The following ADARB2 variants were observed in gnomAD, a reference collection of about 807,000 sequenced individuals.
ADARB2 encodes adenosine deaminase RNA specific B2 (inactive).
In ADARB2, 25 loss-of-function variants were observed where a neutral mutation model predicts 62.2. That is an observed-to-expected ratio of 0.40 (90% CI 0.29 to 0.56). The LOEUF (loss-of-function observed/expected upper bound fraction) is 0.56, where lower values mean the gene tolerates loss of function less well. ADARB2 is among the 20% of genes least tolerant of loss of function. ADARB2 has a pLI of 0.43. For synonymous variants in ADARB2, 572 were observed against 500.8 expected (o/e 1.14, Z -1.90); for missense variants, 1,071 against 1,077.4 (o/e 0.99, Z 0.08).
At chr10:1,351,450 A>G (rs183438473) in intron 3 of ADARB2, among the ~76,000 whole-genome samples, 2,534 of 151,688 alleles carry the variant, frequency 0.017, 34 homozygotes, top group Non-Finnish European at 0.023. Flanking sequence ...CAACTTAGAC[A>G]ATACTCTTTT....
chr10:1,710,824 A>C (rs1450175494), intron 1 of ADARB2, among the ~76,000 whole-genome samples: 2 of 150,866 alleles, frequency 1.3e-5, no homozygotes, highest in Non-Finnish European at 3.0e-5. Context: ...CTTCACCTTC[A>C]CTCCTTGTCT....
At chr10:1,568,106 A>G (rs1832880891) in intron 1 of ADARB2, among the ~76,000 whole-genome samples, 1 of 152,258 alleles carries the variant, frequency 6.6e-6, no homozygotes, top group Non-Finnish European at 1.5e-5. Flanking sequence ...GACCAGTGAG[A>G]GACGGCGCAG....
At chr10:1,481,269 AAG>A (rs1441038995) in intron 1 of ADARB2, among the ~76,000 whole-genome samples, 1 of 152,224 alleles carries the variant, frequency 6.6e-6, no homozygotes, top group Admixed American at 6.5e-5. Flanking sequence ...ACATGTAAAA[AAG>A]AGTGAAGTAA....
At chr10:1,345,155 C>T (rs1328224730) in intron 3 of ADARB2, among the ~76,000 whole-genome samples, 1 of 152,016 alleles carries the variant, frequency 6.6e-6, no homozygotes, top group Non-Finnish European at 1.5e-5. Context: ...GAGGATGCTT[C>T]ACTCTTATGC....
At chr10:1,711,697 G>T (rs1311874790) in intron 1 of ADARB2, among the ~76,000 whole-genome samples, 1 of 152,200 alleles carries the variant, frequency 6.6e-6, no homozygotes, top group Non-Finnish European at 1.5e-5. Context: ...TACAGGCATT[G>T]CCAAAGCTCT....
chr10:1,665,041 G>A (rs1017127703), intron 1 of ADARB2, among the ~76,000 whole-genome samples: 5 of 152,180 alleles, frequency 3.3e-5, no homozygotes, highest in Non-Finnish European at 5.9e-5. Flanking sequence ...AGGGGCAAGG[G>A]GGAAGGAGCC....
intron 1 of ADARB2, among the ~76,000 whole-genome samples, chr10:1,563,413 G>C (rs1398250527): frequency 6.6e-6 from 1 of 152,078 alleles, no homozygotes; most frequent in Non-Finnish European, 1.5e-5. Flanking sequence ...ATGACCTCCT[G>C]CATCCATCTC....
intron 4 of ADARB2, among the ~76,000 whole-genome samples, chr10:1,247,416 A>G (rs1830996121): frequency 6.6e-6 from 1 of 152,206 alleles, no homozygotes; most frequent in Non-Finnish European, 1.5e-5. Context: ...CCAGTTTTCA[A>G]AGGGAATGCT....
rs929236795 is a variant in ADARB2 at position 1,362,887 on chromosome 10, G to A, written c.1077+141C>T. 171 of 842,304 alleles carry A rather than the reference G, an allele frequency of 2.0e-4. 1 individual carries two copies. Among genetic ancestry groups the A allele is most frequent in the Admixed American group, 1.6e-3 (38 of 23,070 alleles). The allele number at this position is 842,304 out of a possible 1,614,324, so 52.2% of individuals were successfully genotyped here. On this transcript the variant is annotated intron_variant, in intron 3 of 9. Coordinates refer to ENST00000381312, the MANE Select transcript of ADARB2 (RefSeq NM_018702.4). ...CTCCCATCAATCACCTCACCAGGCC[G>A]GGAGACATTCTTTCCCCTCCCGCTC...
At chr10:1,626,259 C>CACGCTCTCTCCTG (rs1833767371) in intron 1 of ADARB2, among the ~76,000 whole-genome samples, 1 of 145,258 alleles carries the variant, frequency 6.9e-6, no homozygotes, top group African/African-American at 2.6e-5. Flanking sequence ...CCACATCTGC[C>CACGCTCTCTCCTG]CATGCTCTCT....
Position 1,665,958 on chromosome 10 carries a change from G to T in ADARB2, c.100+71093C>A, listed in dbSNP as rs569776959. Among the ~76,000 whole-genome samples the T allele has an allele frequency of 5.3e-5, 8 of 152,244 alleles. No individual in the cohort carries two copies. The South Asian group carries it at 1.7e-3, about 32-fold the overall frequency. ...AGCACAGCAACGAAGCACTCCAAGG[G>T]CTTAGCCCGACATTCAGGGACCCAC... is the stretch of plus-strand genomic sequence containing the variant. On this transcript the variant is annotated intron_variant, in intron 1 of 9. Transcript: ENST00000381312.
At chr10:1,277,058 G>C (rs1228869502) in intron 3 of ADARB2, among the ~76,000 whole-genome samples, 1 of 151,888 alleles carries the variant, frequency 6.6e-6, no homozygotes, top group Non-Finnish European at 1.5e-5. Context: ...TTGAAACCAA[G>C]GAGAACAAAG....
chr10:1,585,816 C>T (rs1359790473), intron 1 of ADARB2, among the ~76,000 whole-genome samples: 7 of 152,234 alleles, frequency 4.6e-5, no homozygotes, highest in South Asian at 4.1e-4. Context: ...GGGCAGATCA[C>T]GAGGTCAGGA....
intron 6 of ADARB2, 69 bp downstream of exon 6, chr10:1,233,625 A>T: frequency 6.6e-7 from 1 of 1,504,820 alleles, no homozygotes; most frequent in Non-Finnish European, 8.9e-7. Context: ...GTGAAAGCCC[A>T]GGACAGAGTC....
At chr10:1,481,343 A>G (rs553204131) in intron 1 of ADARB2, among the ~76,000 whole-genome samples, 48 of 152,368 alleles carry the variant, frequency 3.2e-4, no homozygotes, top group African/African-American at 1.1e-3. Context: ...CTAAAACTAT[A>G]GAACTCGTAG....
chr10:1,341,128 G>A (rs1450362159), intron 3 of ADARB2, among the ~76,000 whole-genome samples: 2 of 150,992 alleles, frequency 1.3e-5, no homozygotes, highest in Non-Finnish European at 2.9e-5. Flanking sequence ...ATCAGGCAGA[G>A]AACCACATGC....
intron 4 of ADARB2, among the ~76,000 whole-genome samples, chr10:1,262,319 T>TAATAATAAA (rs1208834714): frequency 7.2e-6 from 1 of 138,582 alleles, no homozygotes; most frequent in African/African-American, 3.0e-5. Context: ...ATAATAATAA[T>TAATAATAAA]AAAAGAAACC....
At chr10:1,611,439 G>T (rs1833571798) in intron 1 of ADARB2, among the ~76,000 whole-genome samples, 1 of 152,192 alleles carries the variant, frequency 6.6e-6, no homozygotes, top group African/African-American at 2.4e-5. Context: ...CTGCCTGGAT[G>T]AAATTCTCTC....
intron 7 of ADARB2, among the ~76,000 whole-genome samples, chr10:1,202,949 C>T (rs992319996): frequency 6.6e-6 from 1 of 152,180 alleles, no homozygotes; most frequent in African/African-American, 2.4e-5. Context: ...CTGGTTCCTA[C>T]CTAATAACCT....
Sources: allele counts gnomAD v4.1 joint callset (sites outside exome capture counted in the v4.1 genomes callset), GRCh38; gene constraint gnomAD v4.1.1; transcripts MANE v1.5; gene names NCBI Gene and HGNC (gene_info 2026-07-23, HGNC 2026-07-21).